RPGRIP1: variants seen among roughly 807,000 people sequenced by gnomAD.
RPGRIP1 encodes the protein X-linked retinitis pigmentosa GTPase regulator-interacting protein 1.
A neutral mutation model predicts 157.9 loss-of-function variants in RPGRIP1; 128 were observed. That is an observed-to-expected ratio of 0.81 (90% CI 0.70 to 0.94). RPGRIP1 has a LOEUF of 0.94. Ranked by LOEUF, RPGRIP1 falls within the 40% of genes least tolerant of loss-of-function variation. The pLI is 0.00. For synonymous variants in RPGRIP1, 554 were observed against 571.6 expected (o/e 0.97, Z 0.44); for missense variants, 1,486 against 1,545.8 (o/e 0.96, Z 0.65).
chr14:21,340,946 T>A (rs1884937131), intron 21 of RPGRIP1, among the ~76,000 whole-genome samples: 1 of 152,178 alleles, frequency 6.6e-6, no homozygotes, highest in South Asian at 2.1e-4. Flanking sequence ...AAAACCAGAT[T>A]TTTCAAAACA....
intron 21 of RPGRIP1, among the ~76,000 whole-genome samples, chr14:21,339,742 G>A (rs991831363): frequency 2.0e-5 from 3 of 151,996 alleles, no homozygotes; most frequent in Non-Finnish European, 2.9e-5. Context: ...TGACTCTCTC[G>A]GGCTTCACAG....
intron 6 of RPGRIP1, among the ~76,000 whole-genome samples, chr14:21,303,811 A>T (rs1566672915): frequency 6.6e-6 from 1 of 151,326 alleles, no homozygotes; most frequent in South Asian, 2.1e-4. Flanking sequence ...ACATGGAGAA[A>T]CCCTGTCTCT....
At chr14:21,310,868 A>G in intron 8 of RPGRIP1, 2 of 660,654 alleles carry the variant, frequency 3.0e-6, no homozygotes, top group Non-Finnish European at 5.7e-6. Context: ...CTATTGCTGG[A>G]GCAAATTATA....
rs571372314 is a variant in RPGRIP1 at position 21,321,086 on chromosome 14, A to G, written c.1468-173A>G. Among the ~76,000 whole-genome samples the G allele has an allele frequency of 2.6e-5, 4 of 152,334 alleles. No homozygotes were observed. In the South Asian group the frequency reaches 8.3e-4, roughly 32 times the overall value. ...CATCTCCCTTCACTGCTGCTACTGA[A>G]CATGAGAACTAGGGGAAAGAGCACT... is the stretch of plus-strand genomic sequence containing the variant. On this transcript the variant is annotated intron_variant, in intron 12 of 24. Transcript: ENST00000400017.
At chr14:21,292,416 T>C (rs992706352) in intron 2 of RPGRIP1, among the ~76,000 whole-genome samples, 5 of 152,200 alleles carry the variant, frequency 3.3e-5, no homozygotes, top group African/African-American at 1.2e-4. Flanking sequence ...AAGGGAATAT[T>C]TTTATAGCAT....
In RPGRIP1 at chr14:21,321,292, C is replaced by T. The variant is rs756196189; in HGVS notation, c.1501C>T (p.Leu501=). The change falls in exon 13 of 25, where the codon CTG becomes TTG. Residue 501 remains leucine (L), a synonymous_variant. Coordinates refer to ENST00000400017, the MANE Select transcript of RPGRIP1 (RefSeq NM_020366.4). ...ACCCAAAAACCAAGAAGAAAAGAAA[C>T]TGTCCCAGGTGCTAAATGAGTTGCA... ...SEPKNQEEKK[L]SQVLNELQVS... 2 of 1,613,724 alleles carry T rather than the reference C, an allele frequency of 1.2e-6. No individual in the cohort carries two copies. The highest frequency in any genetic ancestry group is 3.3e-5 in the Admixed American group (2 of 59,944).
rs1030149008 is a variant in RPGRIP1 at position 21,326,125 on chromosome 14, C to T, written c.2662C>T (p.Arg888Ter). 7.5e-6 allele frequency: 12 copies of T among 1,600,930 alleles called. No individual in the cohort carries two copies. The highest frequency in any genetic ancestry group is 4.5e-5 in the East Asian group (2 of 44,666). Reference protein sequence around the residue: ...EDLEPGSYLGRARVPLLPLAK... With the variant: ...EDLEPGSYLG ...CTTAGAGCCTGGCTCGTATCTTGGC[C>T]GAGCCCGAGTGCCTTTACTGCCTCT... The change falls in exon 17 of 25, where the codon CGA becomes TGA. Residue 888 changes from arginine (R) to a stop codon, truncating the protein, a stop_gained. Transcript: ENST00000400017. LOFTEE classifies it high-confidence loss of function.
chr14:21,318,272 ATT>A (rs11311303), intron 11 of RPGRIP1: 11,726 of 309,808 alleles, frequency 0.038, no homozygotes, highest in South Asian at 0.078. Flanking sequence ...ACGCCTGGCT[ATT>A]TTTTTTTTTT....
chr14:21,282,664 C>T (rs963337954), intron 1 of RPGRIP1, among the ~76,000 whole-genome samples: 15 of 136,324 alleles, frequency 1.1e-4, no homozygotes, highest in Admixed American at 3.3e-4. Context: ...GGCTGGAGTG[C>T]AGTGGCGTGA....
At position 21,343,135 on chromosome 14, in the gene RPGRIP1, A is replaced by G; in HGVS notation, c.3439A>G (p.Lys1147Glu). Residue 1147 changes from lysine (K) to glutamate (E), a missense_variant, in exon 22 of 25, where the codon AAA becomes GAA. Lys to Glu is a moderately conservative substitution (Grantham distance 56). Coordinates refer to ENST00000400017, the MANE Select transcript of RPGRIP1 (RefSeq NM_020366.4). ...ENIKQVYVEY[K>E]FYDLPLSETE... The stretch of plus-strand genomic sequence containing the variant: ...CATAAAACAGGTGTATGTGGAGTAC[A>G]AATTCTACGACCTACCCTTGTCGGA... The G allele has an allele frequency of 6.2e-7, 1 of 1,613,846 alleles. No individual in the cohort carries two copies. Among genetic ancestry groups the G allele is most frequent in the Non-Finnish European group, 8.5e-7 (1 of 1,179,780 alleles).
At chr14:21,285,561 C>T (rs367906923) in intron 1 of RPGRIP1, among the ~76,000 whole-genome samples, 4 of 149,862 alleles carry the variant, frequency 2.7e-5, no homozygotes, top group African/African-American at 9.9e-5. Context: ...GCTGAGATCG[C>T]GCCACTGCAC....
chr14:21,335,853 C>T (rs1238832318), intron 21 of RPGRIP1, among the ~76,000 whole-genome samples: 2 of 152,114 alleles, frequency 1.3e-5, no homozygotes, highest in Non-Finnish European at 2.9e-5. Flanking sequence ...CACATATATT[C>T]AGTAATCATT....
chr14:21,281,550 G>A (rs1332301735), intron 1 of RPGRIP1, among the ~76,000 whole-genome samples: 1 of 151,650 alleles, frequency 6.6e-6, no homozygotes. Context: ...TTAGCTGGGC[G>A]TGGCGGCTTG....
intron 3 of RPGRIP1, among the ~76,000 whole-genome samples, chr14:21,296,062 A>G (rs1335905763): frequency 2.0e-5 from 3 of 151,134 alleles, no homozygotes; most frequent in Non-Finnish European, 4.4e-5. Context: ...CAGCCTCCCA[A>G]GTAGCTGTGA....
intron 22 of RPGRIP1, among the ~76,000 whole-genome samples, chr14:21,344,541 T>C (rs1410699334): frequency 6.6e-6 from 1 of 152,206 alleles, no homozygotes; most frequent in Non-Finnish European, 1.5e-5. Flanking sequence ...ATATTTTCAG[T>C]AGTTTTTAAA....
At chr14:21,321,646 C>A in intron 13 of RPGRIP1, 1 of 973,296 alleles carries the variant, frequency 1.0e-6, no homozygotes, top group Non-Finnish European at 1.5e-6. Context: ...CTTCTGGGTT[C>A]AAATTTTGCC....
rs375413087 is a variant in RPGRIP1, at chr14:21,325,908, G to T, written c.2445G>T (p.Trp815Cys). ...AGTGCTGTGGCCTCCGGAGTCGATG[G>T]CTGGGAACTCAACCCAGTCCATATG... The part of the protein sequence containing the change: ...ITKCCGLRSR[W>C]LGTQPSPYAV... The change falls in exon 17 of 25, where the codon TGG (tryptophan) becomes TGT (cysteine). Residue 815 changes from tryptophan to cysteine, a missense_variant. Trp to Cys is a radical substitution (Grantham distance 215). Coordinates refer to ENST00000400017, the MANE Select transcript of RPGRIP1 (RefSeq NM_020366.4). 2.7e-5 allele frequency: 43 copies of T among 1,613,824 alleles called. No homozygotes were observed. Among genetic ancestry groups the T allele is most frequent in the Non-Finnish European group, 3.6e-5 (43 of 1,179,874 alleles).
chr14:21,315,563 G>A (rs536157759), intron 10 of RPGRIP1, among the ~76,000 whole-genome samples: 2 of 151,876 alleles, frequency 1.3e-5, no homozygotes, highest in Admixed American at 1.3e-4. Context: ...AAGGCAGCAG[G>A]GGGTAGATTG....
At chr14:21,346,086 C>T (rs1331361158) in intron 23 of RPGRIP1, among the ~76,000 whole-genome samples, 2 of 152,180 alleles carry the variant, frequency 1.3e-5, no homozygotes, top group Non-Finnish European at 2.9e-5. Flanking sequence ...GTTGGGATTA[C>T]AGGCGTGAGT....
Sources: gnomAD v4.1 joint callset for allele counts (sites outside exome capture counted in the v4.1 genomes callset) on GRCh38, gnomAD v4.1.1 for gene constraint, MANE v1.5 for transcripts, NCBI Gene and HGNC (gene_info 2026-07-23, HGNC 2026-07-21) for gene names.